The following OR2Z1 variants were observed in gnomAD, a reference collection of about 807,000 sequenced individuals.
OR2Z1 encodes olfactory receptor 2Z1.
For missense variants in OR2Z1, 449 were observed against 401.8 expected, an observed-to-expected ratio of 1.12 and a Z score of -1.00; for synonymous variants, 188 against 160.6, an observed-to-expected ratio of 1.17 and a Z score of -1.29.
chr19:8,726,317 G>A (rs575000529), intron 2 of OR2Z1, among the ~76,000 whole-genome samples: 4 of 152,222 alleles, frequency 2.6e-5, no homozygotes, highest in African/African-American at 9.6e-5. Context: ...TCACTATCAT[G>A]ACCAAGGGGG....
At chr19:8,730,681 G>C (rs1342292889) in intron 2 of OR2Z1, among the ~76,000 whole-genome samples, 179 bp from the exon 3 acceptor site, 1 of 152,114 alleles carries the variant, frequency 6.6e-6, no homozygotes, top group East Asian at 1.9e-4. Flanking sequence ...GCCTCCCAAA[G>C]TGCTGGGATT....
At position 8,731,472 on chromosome 19, in the gene OR2Z1, C is replaced by T. The variant is rs782215295; in HGVS notation, c.444C>T (p.Ser148=). The T allele has an allele frequency of 6.2e-7, 1 of 1,614,114 alleles. No individual in the cohort carries two copies. The highest frequency in any genetic ancestry group is 8.5e-7 in the Non-Finnish European group (1 of 1,180,018). The change falls in exon 3 of 3, where the codon TCC becomes TCT. Residue 148 remains serine (S), a synonymous_variant. Transcript: ENST00000641125. ...RQVCLLMMGS[S]WVVGVLNASI... ...TATGTCTGCTGATGATGGGCTCCTC[C>T]TGGGTGGTAGGTGTGCTCAACGCCT...
chr19:8,722,825 CA>C (rs1464579299), intron 1 of OR2Z1, among the ~76,000 whole-genome samples: 3 of 152,026 alleles, frequency 2.0e-5, no homozygotes, highest in African/African-American at 7.2e-5. Flanking sequence ...GGAAACATAG[CA>C]AGACCGCATC....
At position 8,731,179 on chromosome 19, in the gene OR2Z1, G is replaced by T; in HGVS notation, c.151G>T (p.Val51Leu). Reference sequence around the variant, plus strand: ...CACCGTTCTTCTCTTCTTGATCCGTGTGGACTCCCGGCTCCACACACCCAT... The same window carrying T: ...CACCGTTCTTCTCTTCTTGATCCGTTTGGACTCCCGGCTCCACACACCCAT... Reference protein sequence around the residue: ...GNTVLLFLIRVDSRLHTPMYF... With the variant: ...GNTVLLFLIRLDSRLHTPMYF... Residue 51 changes from valine to leucine, a missense_variant, in exon 3 of 3, where the codon GTG becomes TTG. Val to Leu is a conservative substitution (Grantham distance 32). Transcript: ENST00000641125. 2 of 1,613,974 alleles carry T rather than the reference G, an allele frequency of 1.2e-6. No individual in the cohort carries two copies. Among genetic ancestry groups the T allele is most frequent in the East Asian group, 4.5e-5 (2 of 44,864 alleles).
At chr19:8,726,910 T>G (rs1479672094) in intron 2 of OR2Z1, among the ~76,000 whole-genome samples, 6 of 152,132 alleles carry the variant, frequency 3.9e-5, no homozygotes, top group African/African-American at 1.4e-4. Context: ...TTTTTTAAAT[T>G]TAACCCCATG....
chr19:8,730,850 C>T lies in OR2Z1; in HGVS notation c.-169-10C>T. ...GATAGACACTAACTGATTAAGTTTT[C>T]TCCCTCCAGCCTACTGATTCTAGCT... On this transcript the variant is annotated splice_polypyrimidine_tract_variant and intron_variant, in intron 2 of 2. Transcript: ENST00000641125. 1 of 608,260 alleles carries T rather than the reference C, an allele frequency of 1.6e-6. No individual in the cohort carries two copies. The highest frequency in any genetic ancestry group is 2.9e-6 in the Non-Finnish European group (1 of 343,924). 37.7% of individuals were successfully genotyped at this position (608,260 alleles called of 1,614,324 possible).
intron 2 of OR2Z1, among the ~76,000 whole-genome samples, chr19:8,728,038 T>C (rs1386652871): frequency 6.6e-6 from 1 of 152,238 alleles, no homozygotes; most frequent in Non-Finnish European, 1.5e-5. Context: ...GGATAAATAC[T>C]GGCGTAAAGC....
chr19:8,722,002 T>C lies in OR2Z1; in HGVS notation c.-255T>C, dbSNP rs2043309724. 1 of 152,168 alleles carries C rather than the reference T, an allele frequency of 6.6e-6. No individual in the cohort carries two copies. The highest frequency in any genetic ancestry group is 2.4e-5 in the African/African-American group (1 of 41,442). 9.4% of individuals were successfully genotyped at this position (152,168 alleles called of 1,614,324 possible). ...CTCAGGATCTGAAATCAAACTGGGT[T>C]CAAATCCCAGTCTACCCTCTTCTTA... On this transcript the variant is annotated 5_prime_UTR_variant, in exon 1 of 3. Transcript: ENST00000641125.
Position 8,731,078 on chromosome 19 carries a change from T to C in OR2Z1, c.50T>C (p.Leu17Pro). ...SVASDFILVG[L>P]FSHSGSRQLL... ...GCCTCAGACTTCATTCTGGTGGGCCTCTTCAGTCACTCAGGATCACGCCAG... is the reference window on the plus strand; with the variant it reads ...GCCTCAGACTTCATTCTGGTGGGCCCCTTCAGTCACTCAGGATCACGCCAG... The change falls in exon 3 of 3, where the codon CTC becomes CCC. Residue 17 changes from leucine to proline, a missense_variant. By Grantham distance (98) the Leu-to-Pro change is moderately conservative. Transcript: ENST00000641125. 4 of 1,614,194 alleles carry C rather than the reference T, an allele frequency of 2.5e-6. No individual in the cohort carries two copies. The highest frequency in any genetic ancestry group is 3.4e-6 in the Non-Finnish European group (4 of 1,180,038).
At chr19:8,729,387 C>T (rs1002212392) in intron 2 of OR2Z1, among the ~76,000 whole-genome samples, 2 of 150,340 alleles carry the variant, frequency 1.3e-5, no homozygotes. Flanking sequence ...GCTCCAGTTG[C>T]GTCCATGTCA....
chr19:8,723,714 C>T (rs1032715435), intron 2 of OR2Z1, among the ~76,000 whole-genome samples: 1 of 151,722 alleles, frequency 6.6e-6, no homozygotes, highest in Admixed American at 6.6e-5. Context: ...ACCCAAATGT[C>T]AACCTGTGTG....
intron 2 of OR2Z1, among the ~76,000 whole-genome samples, chr19:8,730,461 C>T (rs1250783561): frequency 2.0e-5 from 3 of 151,976 alleles, no homozygotes; most frequent in African/African-American, 7.3e-5. Context: ...GCTCTGTTGC[C>T]CAGGCTGGAG....
At position 8,731,487 on chromosome 19, in the gene OR2Z1, G is replaced by A. The variant is rs782026150; in HGVS notation, c.459G>A (p.Val153=). The stretch of plus-strand genomic sequence containing the variant: ...TGGGCTCCTCCTGGGTGGTAGGTGT[G>A]CTCAACGCCTCCATCCAGACCTCCA... The part of the protein sequence containing the change: ...LMMGSSWVVG[V]LNASIQTSIT... The change falls in exon 3 of 3, where the codon GTG becomes GTA. Residue 153 remains valine, a synonymous_variant. Transcript: ENST00000641125. 2 of 1,614,060 alleles carry A rather than the reference G, an allele frequency of 1.2e-6. No individual in the cohort carries two copies. The highest frequency in any genetic ancestry group is 1.7e-5 in the Admixed American group (1 of 59,994).
In OR2Z1 at chr19:8,730,859, G is replaced by A. The variant is rs1394955533; in HGVS notation, c.-169-1G>A. On this transcript the variant is annotated splice_acceptor_variant, in intron 2 of 2. Transcript: ENST00000641125. LOFTEE classifies it low-confidence loss of function (5UTR_SPLICE). ...TAACTGATTAAGTTTTCTCCCTCCA[G>A]CCTACTGATTCTAGCTGCAGCCTCA... 2.1e-5 allele frequency: 13 copies of A among 612,834 alleles called. No individual in the cohort carries two copies. The highest frequency in any genetic ancestry group is 3.7e-5 in the African/African-American group (2 of 53,974). The allele number at this position is 612,834 out of a possible 1,614,324, so 38.0% of individuals were successfully genotyped here.
In OR2Z1 at chr19:8,731,969, G is replaced by A. The variant is rs374891313; in HGVS notation, c.941G>A (p.Cys314Tyr). ...VLSRAGLRQM[C>Y] ...AGCAGAGCTGGACTCAGGCAAATGT[G>A]CTGACTACATAGAAACTGCTGGTGA... The change falls in exon 3 of 3, where the codon TGC (cysteine) becomes TAC (tyrosine). Residue 314 changes from cysteine (C) to tyrosine (Y), a missense_variant. Coordinates refer to ENST00000641125, the MANE Select transcript of OR2Z1 (RefSeq NM_001004699.3). 1 of 1,610,132 alleles carries A rather than the reference G, an allele frequency of 6.2e-7. No individual in the cohort carries two copies. Among genetic ancestry groups the A allele is most frequent in the African/African-American group, 1.3e-5 (1 of 74,886 alleles).
Position 8,731,384 on chromosome 19 carries a change from C to CTT in OR2Z1, c.357_358dup (p.Tyr120PhefsTer18), listed in dbSNP as rs782483013. 6.2e-7 allele frequency: 1 copy of CTT among 1,614,080 alleles called. No homozygotes were observed. Among genetic ancestry groups the CTT allele is most frequent in the Non-Finnish European group, 8.5e-7 (1 of 1,180,014 alleles). ...GAGGGCGTCCTGTTGGTCCTCATGT[C>CTT]TTATGACCGTTATGTTGCTGTGTGC... On this transcript the variant is annotated frameshift_variant, in exon 3 of 3. Coordinates refer to ENST00000641125, the MANE Select transcript of OR2Z1 (RefSeq NM_001004699.3). LOFTEE classifies it low-confidence loss of function (END_TRUNC).
chr19:8,724,122 G>A (rs1260844172), intron 2 of OR2Z1, among the ~76,000 whole-genome samples: 2 of 152,038 alleles, frequency 1.3e-5, no homozygotes, highest in Non-Finnish European at 2.9e-5. Context: ...CATTTTGTTA[G>A]AATCTTGACT....
At chr19:8,722,503 C>T (rs1380698300) in intron 1 of OR2Z1, among the ~76,000 whole-genome samples, 10 of 151,990 alleles carry the variant, frequency 6.6e-5, no homozygotes, top group Non-Finnish European at 1.2e-4. Context: ...CTGAGGAAAA[C>T]GGGAAAGGGA....
At chr19:8,726,158 G>A (rs1457019956) in intron 2 of OR2Z1, among the ~76,000 whole-genome samples, 2 of 152,078 alleles carry the variant, frequency 1.3e-5, no homozygotes, top group Non-Finnish European at 2.9e-5. Flanking sequence ...GTAGAGACAG[G>A]GTTTCACCGT....
Sources: allele counts gnomAD v4.1 joint callset (sites outside exome capture counted in the v4.1 genomes callset), GRCh38; gene constraint gnomAD v4.1.1; transcripts MANE v1.5; gene names NCBI Gene and HGNC (gene_info 2026-07-23, HGNC 2026-07-21).